Variants in CTTNBP2NL observed in about 807,000 individuals in gnomAD.
CTTNBP2NL encodes the protein CTTNBP2 N-terminal-like protein.
A neutral mutation model predicts 32.5 loss-of-function variants in CTTNBP2NL; 16 were observed. The ratio of observed to expected loss-of-function variants is 0.49; its 90% CI spans 0.33 to 0.75. The LOEUF is 0.75. Among genes scored for constraint, CTTNBP2NL ranks in the 30% least tolerant of loss-of-function variants. The pLI, the probability that CTTNBP2NL is intolerant of heterozygous loss-of-function variation, is 0.02. For missense variants in CTTNBP2NL, 645 were observed against 756.0 expected, an observed-to-expected ratio of 0.85 and a Z score of 1.72; for synonymous variants, 298 against 289.4, an observed-to-expected ratio of 1.03 and a Z score of -0.30.
Position 112,457,270 on chromosome 1 carries a change from C to T in CTTNBP2NL, c.1778C>T (p.Pro593Leu), listed in dbSNP as rs771312411. The T allele has an allele frequency of 5.6e-6, 9 of 1,614,082 alleles. No homozygotes were observed. The African/African-American group carries it at 8.0e-5, about 14-fold the overall frequency. ...AAGAAACCTGGCCTCACCCCTTCTC[C>T]ATCTGCTACCACTCCATTGACCAAA... is the stretch of plus-strand genomic sequence containing the variant. ...PPKKPGLTPS[P>L]SATTPLTKTH... Residue 593 changes from proline (P) to leucine (L), a missense_variant, in exon 6 of 6, where the codon CCA (proline) becomes CTA (leucine). By Grantham distance (98) the Pro-to-Leu change is moderately conservative. Transcript: ENST00000271277.
At chr1:112,455,908 C>T (rs755182202) in intron 5 of CTTNBP2NL, 23 bp from the exon 6 acceptor site, 2 of 1,552,240 alleles carry the variant, frequency 1.3e-6, no homozygotes, top group South Asian at 2.5e-5. Flanking sequence ...GTCAGTATGT[C>T]TCTCTTTTCT....
At chr1:112,428,885 T>C (rs2101013835) in intron 3 of CTTNBP2NL, among the ~76,000 whole-genome samples, 1 of 152,334 alleles carries the variant, frequency 6.6e-6, no homozygotes. Flanking sequence ...AGCACTTCCT[T>C]TAATTTCTTA....
At chr1:112,398,006 C>G (rs761237882) in intron 1 of CTTNBP2NL, among the ~76,000 whole-genome samples, 2 of 152,178 alleles carry the variant, frequency 1.3e-5, no homozygotes, top group Non-Finnish European at 2.9e-5. Flanking sequence ...AAAGAAGAAA[C>G]TGGAGGGTGT....
chr1:112,424,912 C>T (rs115149892), intron 3 of CTTNBP2NL, among the ~76,000 whole-genome samples: 2 of 151,746 alleles, frequency 1.3e-5, no homozygotes, highest in Non-Finnish European at 2.9e-5. Context: ...AAGCCCCAGG[C>T]TCAAGTGATC....
chr1:112,407,843 T>TC (rs1273781217), intron 1 of CTTNBP2NL, among the ~76,000 whole-genome samples: 12 of 112,010 alleles, frequency 1.1e-4, no homozygotes, highest in Non-Finnish European at 1.6e-5. Flanking sequence ...TTTCTTTCTT[T>TC]TTTTTTTTTT....
chr1:112,416,277 A>G lies in CTTNBP2NL; in HGVS notation c.99+13A>G, dbSNP rs1385758157. 3 of 725,532 alleles carry G rather than the reference A, an allele frequency of 4.1e-6. No individual in the cohort carries two copies. Among genetic ancestry groups the G allele is most frequent in the East Asian group, 4.4e-5 (1 of 22,666 alleles). The allele number at this position is 725,532 out of a possible 1,614,324, so 44.9% of individuals were successfully genotyped here. ...AGAAGCCTTAAAGGTATGTTAAAAG[A>G]AAAAAAAAAAGAGGTCATCATACAT... is the stretch of plus-strand genomic sequence containing the variant. On this transcript the variant is annotated intron_variant, in intron 3 of 5. Transcript: ENST00000271277.
At position 112,458,678 on chromosome 1, in the gene CTTNBP2NL, A is replaced by T. The variant is rs1003147161; in HGVS notation, c.*1266A>T. 1.4e-4 allele frequency: 22 copies of T among 152,198 alleles called. No individual in the cohort carries two copies. Among genetic ancestry groups the T allele is most frequent in the Non-Finnish European group, 1.5e-5 (1 of 68,048 alleles). The allele number at this position is 152,198 out of a possible 1,614,324, so 9.4% of individuals were successfully genotyped here. The stretch of plus-strand genomic sequence containing the variant: ...GAAGCCTAGATCTTCAGTATCATAA[A>T]AAGGCAGAGCTGGCCAGGCACAGTG... On this transcript the variant is annotated 3_prime_UTR_variant, in exon 6 of 6. Transcript: ENST00000271277.
intron 3 of CTTNBP2NL, among the ~76,000 whole-genome samples, chr1:112,433,246 T>C (rs968162868): frequency 6.6e-6 from 1 of 152,126 alleles, no homozygotes; most frequent in Non-Finnish European, 1.5e-5. Flanking sequence ...TTATTCATTT[T>C]TGTGTGGGGG....
chr1:112,414,163 CA>C (rs1449530920), intron 2 of CTTNBP2NL, among the ~76,000 whole-genome samples: 1 of 152,040 alleles, frequency 6.6e-6, no homozygotes, highest in Non-Finnish European at 1.5e-5. Flanking sequence ...GTCAGGAGTT[CA>C]AGACCAGCCT....
intron 3 of CTTNBP2NL, among the ~76,000 whole-genome samples, chr1:112,433,254 G>A (rs182239205): frequency 6.6e-6 from 1 of 151,168 alleles, no homozygotes; most frequent in East Asian, 1.9e-4. Flanking sequence ...TTTTGTGTGG[G>A]GGTGTGTGTG....
At chr1:112,407,943 C>T (rs1199542143) in intron 1 of CTTNBP2NL, among the ~76,000 whole-genome samples, 1 of 146,588 alleles carries the variant, frequency 6.8e-6, no homozygotes, top group Non-Finnish European at 1.5e-5. Flanking sequence ...CACCCGGGCT[C>T]ACGCAATTCT....
At chr1:112,422,241 T>C (rs1021126610) in intron 3 of CTTNBP2NL, among the ~76,000 whole-genome samples, 5 of 152,214 alleles carry the variant, frequency 3.3e-5, no homozygotes, top group African/African-American at 1.2e-4. Flanking sequence ...ATATGGAATA[T>C]ACTCTATTTT....
chr1:112,437,242 C>T (rs562521977), intron 3 of CTTNBP2NL, among the ~76,000 whole-genome samples: 114 of 152,278 alleles, frequency 7.5e-4, no homozygotes, highest in African/African-American at 2.6e-3. Context: ...TTTACACTCC[C>T]ACTAATAGTG....
chr1:112,451,716 G>A (rs1247563561), intron 4 of CTTNBP2NL, among the ~76,000 whole-genome samples: 2 of 149,524 alleles, frequency 1.3e-5, no homozygotes, highest in Admixed American at 1.3e-4. Context: ...GTTGCAGTGA[G>A]CTGAGATCAC....
chr1:112,423,225 C>T (rs1649280499), intron 3 of CTTNBP2NL, among the ~76,000 whole-genome samples: 2 of 151,936 alleles, frequency 1.3e-5, no homozygotes, highest in Middle Eastern at 3.2e-3. Context: ...CAAATATATG[C>T]CTTGCAAATA....
chr1:112,443,541 G>T (rs533736416), intron 3 of CTTNBP2NL, among the ~76,000 whole-genome samples: 2 of 152,124 alleles, frequency 1.3e-5, no homozygotes, highest in South Asian at 4.2e-4. Flanking sequence ...TAGAGATGGG[G>T]TTGCACCACA....
upstream of CTTNBP2NL, among the ~76,000 whole-genome samples, chr1:112,391,237 G>C (rs572076209): frequency 6.6e-6 from 1 of 152,350 alleles, no homozygotes; most frequent in East Asian, 1.9e-4. Context: ...AGCCCTCTCT[G>C]GCTTTCAGAC....
intron 1 of CTTNBP2NL, among the ~76,000 whole-genome samples, chr1:112,409,435 G>C (rs985763703): frequency 2.0e-5 from 3 of 152,078 alleles, no homozygotes; most frequent in Non-Finnish European, 4.4e-5. Flanking sequence ...GATCTATATA[G>C]ATTTTTTTGA....
chr1:112,404,503 T>C (rs1648601904), intron 1 of CTTNBP2NL, among the ~76,000 whole-genome samples: 1 of 152,214 alleles, frequency 6.6e-6, no homozygotes, highest in African/African-American at 2.4e-5. Flanking sequence ...GTCATCATCC[T>C]ACATTAGCAT....
Sources: allele counts gnomAD v4.1 joint callset (sites outside exome capture counted in the v4.1 genomes callset), GRCh38; gene constraint gnomAD v4.1.1; transcripts MANE v1.5; gene names NCBI Gene and HGNC (gene_info 2026-07-23, HGNC 2026-07-21).